RAPGEF4: variants seen among roughly 807,000 people sequenced by gnomAD.
RAPGEF4 encodes the protein Rap guanine nucleotide exchange factor 4.
Under a neutral mutation model 147.9 loss-of-function variants are expected in RAPGEF4, and 66 were observed. That is an observed-to-expected ratio of 0.45 (90% CI 0.37 to 0.55). The LOEUF (loss-of-function observed/expected upper bound fraction) is 0.55. Ranked by LOEUF, RAPGEF4 falls within the 20% of genes least tolerant of loss-of-function variation. RAPGEF4 has a pLI of 0.00. For missense variants in RAPGEF4, 1,071 were observed against 1,257.3 expected (o/e 0.85, Z 2.24); for synonymous variants, 419 against 442.7 (o/e 0.95, Z 0.67).
chr2:173,012,118 G>C (rs940687673), intron 17 of RAPGEF4, among the ~76,000 whole-genome samples: 1 of 152,184 alleles, frequency 6.6e-6, no homozygotes, highest in South Asian at 2.1e-4. Context: ...AATTAAATTT[G>C]CTCATTTTTC....
At chr2:172,886,026 G>T (rs1036265769) in intron 4 of RAPGEF4, among the ~76,000 whole-genome samples, 2 of 151,986 alleles carry the variant, frequency 1.3e-5, no homozygotes, top group Non-Finnish European at 2.9e-5. Flanking sequence ...CTGCCTTCAC[G>T]CCTGGCTCTT....
intron 10 of RAPGEF4, among the ~76,000 whole-genome samples, chr2:172,978,980 G>A (rs79681186): frequency 0.015 from 2,237 of 152,258 alleles, 38 homozygotes; most frequent in South Asian, 0.046. Context: ...TTAAACTCCC[G>A]CTGATCTCAA....
chr2:172,990,017 C>A (rs200723114), intron 14 of RAPGEF4, among the ~76,000 whole-genome samples: 714 of 128,408 alleles, frequency 5.6e-3, no homozygotes, highest in Non-Finnish European at 5.8e-3. Flanking sequence ...GGTCTTAATG[C>A]AAAAAAAAAA....
chr2:172,984,955 G>T (rs545125504), intron 11 of RAPGEF4, among the ~76,000 whole-genome samples: 9 of 152,216 alleles, frequency 5.9e-5, no homozygotes, highest in African/African-American at 2.2e-4. Context: ...GGAATAATTT[G>T]GAATTTTAAC....
At chr2:172,742,744 C>T (rs1198227448) in intron 1 of RAPGEF4, among the ~76,000 whole-genome samples, 1 of 152,110 alleles carries the variant, frequency 6.6e-6, no homozygotes, top group Non-Finnish European at 1.5e-5. Context: ...GCTGATTTTA[C>T]TTGCTTTAAT....
At chr2:173,008,287 C>T (rs1441292041) in intron 17 of RAPGEF4, among the ~76,000 whole-genome samples, 1 of 152,158 alleles carries the variant, frequency 6.6e-6, no homozygotes, top group African/African-American at 2.4e-5. Context: ...CAGTTCTTTA[C>T]AGCAGTGTGA....
chr2:172,784,060 A>G (rs1298019739), intron 1 of RAPGEF4, among the ~76,000 whole-genome samples: 1 of 152,150 alleles, frequency 6.6e-6, no homozygotes, highest in Non-Finnish European at 1.5e-5. Flanking sequence ...TCCCATTTCC[A>G]TTGTGCTACT....
At chr2:172,848,379 A>C (rs1187191413) in intron 4 of RAPGEF4, among the ~76,000 whole-genome samples, 1 of 152,148 alleles carries the variant, frequency 6.6e-6, no homozygotes, top group Non-Finnish European at 1.5e-5. Flanking sequence ...TAGTATAGAA[A>C]TTAAGTTTAA....
intron 29 of RAPGEF4, among the ~76,000 whole-genome samples, chr2:173,040,227 T>A (rs1212359957): frequency 6.6e-6 from 1 of 151,542 alleles, no homozygotes; most frequent in African/African-American, 2.4e-5. Flanking sequence ...ACAAGTTAGA[T>A]GTTACCAGAA....
At chr2:172,993,011 G>A (rs1692982799) in intron 15 of RAPGEF4, among the ~76,000 whole-genome samples, 1 of 152,152 alleles carries the variant, frequency 6.6e-6, no homozygotes, top group Non-Finnish European at 1.5e-5. Context: ...AATTTAGGAA[G>A]CTGTAGGGCC....
At chr2:172,761,189 G>A (rs1435543610) in intron 1 of RAPGEF4, among the ~76,000 whole-genome samples, 1 of 149,006 alleles carries the variant, frequency 6.7e-6, no homozygotes, top group Non-Finnish European at 1.5e-5. Flanking sequence ...GCAATGGCAT[G>A]ATCTCAGCTC....
chr2:172,872,829 T>A (rs1345952843), intron 4 of RAPGEF4, among the ~76,000 whole-genome samples: 1 of 152,138 alleles, frequency 6.6e-6, no homozygotes, highest in Non-Finnish European at 1.5e-5. Context: ...CAGTCTCAGA[T>A]AGTTCTTTAT....
At chr2:173,040,045 C>G (rs1684562076) in intron 29 of RAPGEF4, among the ~76,000 whole-genome samples, 1 of 151,868 alleles carries the variant, frequency 6.6e-6, no homozygotes, top group South Asian at 2.1e-4. Context: ...AAAAATTAGC[C>G]AGGTTGATGG....
chr2:172,791,755 A>G (rs1457277804), intron 1 of RAPGEF4, among the ~76,000 whole-genome samples: 1 of 152,152 alleles, frequency 6.6e-6, no homozygotes, highest in East Asian at 1.9e-4. Flanking sequence ...GTCATTTAAC[A>G]ATCTGGTTCT....
chr2:172,885,094 C>G (rs931708793), intron 4 of RAPGEF4, among the ~76,000 whole-genome samples: 1 of 152,176 alleles, frequency 6.6e-6, no homozygotes, highest in Non-Finnish European at 1.5e-5. Context: ...TATTCACAGC[C>G]CAACAAGCCA....
rs575466339 is a variant in RAPGEF4, at chr2:172,994,875, C to T, written c.1491-1591C>T. Among the ~76,000 whole-genome samples, 22 of 151,012 alleles carry T rather than the reference C, an allele frequency of 1.5e-4. No homozygotes were observed. In the South Asian group the frequency reaches 4.6e-3, roughly 32 times the overall value. On this transcript the variant is annotated intron_variant, in intron 15 of 30. Transcript: ENST00000397081. ...AGTAGACTATTTTTTTTTTCTATTC[C>T]CCTTCTCTCCTCCTCTAGGCTCCAA... is the stretch of plus-strand genomic sequence containing the variant.
chr2:173,044,710 G>A (rs1202050726), intron 29 of RAPGEF4, among the ~76,000 whole-genome samples: 1 of 152,022 alleles, frequency 6.6e-6, no homozygotes, highest in African/African-American at 2.4e-5. Context: ...GGCGACAGGG[G>A]GGTTCAATTT....
intron 4 of RAPGEF4, among the ~76,000 whole-genome samples, chr2:172,829,483 G>A (rs1024233183): frequency 2.0e-5 from 3 of 152,174 alleles, no homozygotes; most frequent in East Asian, 1.9e-4. Context: ...CGAAAACATC[G>A]TGGTCACTTG....
chr2:172,998,565 C>G (rs925853304), intron 16 of RAPGEF4, among the ~76,000 whole-genome samples: 1 of 152,090 alleles, frequency 6.6e-6, no homozygotes, highest in Non-Finnish European at 1.5e-5. Flanking sequence ...ACAACAACAA[C>G]AAAAAGGTAG....
Sources: gnomAD v4.1 joint callset for allele counts (sites outside exome capture counted in the v4.1 genomes callset) on GRCh38, gnomAD v4.1.1 for gene constraint, MANE v1.5 for transcripts, NCBI Gene and HGNC (gene_info 2026-07-23, HGNC 2026-07-21) for gene names.